ANKS1B: variants seen among roughly 807,000 people sequenced by gnomAD.
ANKS1B encodes ankyrin repeat and sterile alpha motif domain-containing protein 1B.
ANKS1B carries 36 observed loss-of-function variants against 148.3 expected under a neutral mutation model. That is an observed-to-expected ratio of 0.24 (90% CI 0.19 to 0.32). ANKS1B has a LOEUF of 0.32. ANKS1B is among the 10% of genes least tolerant of loss of function. The pLI, the probability that ANKS1B is intolerant of heterozygous loss-of-function variation, is 1.00. For synonymous variants in ANKS1B, 542 were observed against 560.8 expected (o/e 0.97, Z 0.47); for missense variants, 1,157 against 1,542.6 (o/e 0.75, Z 4.19).
At chr12:99,216,109 C>A (rs540412989) in intron 14 of ANKS1B, among the ~76,000 whole-genome samples, 2 of 152,278 alleles carry the variant, frequency 1.3e-5, no homozygotes, top group South Asian at 4.1e-4. Flanking sequence ...TTATAAAGGG[C>A]AGTTTCCCTG....
chr12:98,828,673 G>T (rs2099270342), intron 19 of ANKS1B, among the ~76,000 whole-genome samples: 1 of 152,134 alleles, frequency 6.6e-6, no homozygotes, highest in Non-Finnish European at 1.5e-5. Flanking sequence ...AATTACTTGT[G>T]CTAGAAAGCA....
At chr12:99,521,689 T>C (rs2096876350) in intron 9 of ANKS1B, among the ~76,000 whole-genome samples, 1 of 152,184 alleles carries the variant, frequency 6.6e-6, no homozygotes. Flanking sequence ...CTTTCCTTAC[T>C]TTCTCCTAAA....
At chr12:99,797,850 C>T (rs1352224399) in intron 4 of ANKS1B, among the ~76,000 whole-genome samples, 4 of 151,900 alleles carry the variant, frequency 2.6e-5, no homozygotes, top group South Asian at 2.1e-4. Context: ...CAAGATAAGT[C>T]GCAAGCAAAA....
intron 12 of ANKS1B, among the ~76,000 whole-genome samples, chr12:99,325,032 A>G (rs1380929091): frequency 2.6e-5 from 4 of 152,170 alleles, no homozygotes; most frequent in Non-Finnish European, 5.9e-5. Flanking sequence ...GTATATGTAC[A>G]GTATGTACCA....
At chr12:99,858,613 T>C (rs752105537) in intron 1 of ANKS1B, among the ~76,000 whole-genome samples, 8 of 152,102 alleles carry the variant, frequency 5.3e-5, no homozygotes, top group African/African-American at 9.7e-5. Context: ...TGCAAAAATA[T>C]AGAATTAGCT....
chr12:99,243,958 T>A (rs991773481), intron 14 of ANKS1B, among the ~76,000 whole-genome samples: 2 of 152,084 alleles, frequency 1.3e-5, no homozygotes, highest in Admixed American at 1.3e-4. Context: ...ACATGGCACA[T>A]GTATACCTAT....
chr12:99,429,227 T>G (rs1481984821), intron 11 of ANKS1B, among the ~76,000 whole-genome samples: 1 of 152,162 alleles, frequency 6.6e-6, no homozygotes, highest in Non-Finnish European at 1.5e-5. Flanking sequence ...CTTAATCAAG[T>G]GACCAAGGTG....
chr12:98,849,820 C>T (rs369758298), intron 17 of ANKS1B, among the ~76,000 whole-genome samples: 99 of 152,292 alleles, frequency 6.5e-4, no homozygotes, highest in African/African-American at 2.3e-3. Context: ...AAGATATTCA[C>T]TTCAATACAA....
At chr12:99,377,939 G>A (rs2093458452) in intron 12 of ANKS1B, among the ~76,000 whole-genome samples, 1 of 152,158 alleles carries the variant, frequency 6.6e-6, no homozygotes, top group Non-Finnish European at 1.5e-5. Context: ...GTCAGAAAAG[G>A]TAGTACAACT....
intron 20 of ANKS1B, among the ~76,000 whole-genome samples, chr12:98,805,431 T>C (rs2099043531): frequency 2.0e-5 from 3 of 152,174 alleles, no homozygotes; most frequent in South Asian, 4.1e-4. Flanking sequence ...ACTTTGACAT[T>C]AGAATTTTAA....
chr12:99,828,897 C>A (rs1350343225), intron 1 of ANKS1B, among the ~76,000 whole-genome samples: 1 of 151,750 alleles, frequency 6.6e-6, no homozygotes, highest in Non-Finnish European at 1.5e-5. Flanking sequence ...GCAGGAGAAT[C>A]GACTGAACCC....
intron 10 of ANKS1B, among the ~76,000 whole-genome samples, chr12:99,479,836 A>C (rs751078507): frequency 6.6e-6 from 1 of 151,908 alleles, no homozygotes; most frequent in South Asian, 2.1e-4. Context: ...TATGGTGACT[A>C]TAGTTAATAC....
intron 1 of ANKS1B, among the ~76,000 whole-genome samples, chr12:99,834,795 C>A (rs1371205710): frequency 6.6e-6 from 1 of 152,124 alleles, no homozygotes; most frequent in East Asian, 1.9e-4. Flanking sequence ...TCCTATCTGA[C>A]CCCTGACACA....
chr12:99,214,371 C>T lies in ANKS1B; in HGVS notation c.2419+29971G>A, dbSNP rs559770379. ...CCCAAATCTCATTTGAATTGTAGCT[C>T]CCATAATCCCCATGTGTCATGGGAG... On this transcript the variant is annotated intron_variant, in intron 14 of 26. Coordinates refer to ENST00000683438, the MANE Select transcript of ANKS1B (RefSeq NM_001352186.2). Among the ~76,000 whole-genome samples the T allele has an allele frequency of 3.1e-4, 47 of 152,214 alleles. No individual in the cohort carries two copies. The South Asian group carries it at 5.8e-3, about 19-fold the overall frequency.
intron 12 of ANKS1B, among the ~76,000 whole-genome samples, chr12:99,251,450 GA>G (rs2074583405): frequency 6.6e-6 from 1 of 152,092 alleles, no homozygotes; most frequent in African/African-American, 2.4e-5. Context: ...AGACAAAACG[GA>G]GGAAAATATA....
chr12:99,462,931 G>T (rs573931222), intron 10 of ANKS1B, among the ~76,000 whole-genome samples: 1 of 152,210 alleles, frequency 6.6e-6, no homozygotes, highest in South Asian at 2.1e-4. Context: ...ATGAGTAAAG[G>T]TTCCTGAGGC....
chr12:99,029,367 A>G (rs2099950651), intron 17 of ANKS1B, among the ~76,000 whole-genome samples: 1 of 152,174 alleles, frequency 6.6e-6, no homozygotes, highest in African/African-American at 2.4e-5. Flanking sequence ...TCCCACCCTG[A>G]GCCACATGCT....
intron 9 of ANKS1B, among the ~76,000 whole-genome samples, chr12:99,518,291 AT>A (rs2096842363): frequency 6.6e-6 from 1 of 152,084 alleles, no homozygotes; most frequent in African/African-American, 2.4e-5. Flanking sequence ...TAGGATTAGT[AT>A]TAGTTCTTTA....
intron 12 of ANKS1B, among the ~76,000 whole-genome samples, chr12:99,356,263 C>T (rs570343682): frequency 1.4e-4 from 21 of 152,214 alleles, no homozygotes; most frequent in African/African-American, 3.9e-4. Flanking sequence ...GCTGTGCCAG[C>T]GTAAGTTGCT....
Sources: gnomAD v4.1 joint callset for allele counts (sites outside exome capture counted in the v4.1 genomes callset) on GRCh38, gnomAD v4.1.1 for gene constraint, MANE v1.5 for transcripts, NCBI Gene and HGNC (gene_info 2026-07-23, HGNC 2026-07-21) for gene names.